Variants in TSPAN15 observed in about 807,000 individuals in gnomAD.
The protein encoded by TSPAN15 is tetraspanin 15, also known as tetraspanin-15.
TSPAN15 carries 20 observed loss-of-function variants against 34.5 expected under a neutral mutation model. That is an observed-to-expected ratio of 0.58 (90% CI 0.41 to 0.84). TSPAN15 has a LOEUF of 0.84. Among genes scored for constraint, TSPAN15 ranks in the 40% least tolerant of loss-of-function variants. The pLI, the probability that TSPAN15 is intolerant of heterozygous loss-of-function variation, is 0.00. For synonymous variants in TSPAN15, 155 were observed against 153.9 expected (o/e 1.01, Z -0.05); for missense variants, 313 against 386.1 (o/e 0.81, Z 1.59).
rs202162045 is a variant in TSPAN15 at position 69,506,920 on chromosome 10, G to A, written c.827G>A (p.Gly276Asp). 8.0e-5 allele frequency: 128 copies of A among 1,609,494 alleles called. No homozygotes were observed. In the East Asian group the frequency reaches 2.5e-3, roughly 32 times the overall value. ...GTCACTGATGGGCTCCTGGGGCCCGGTGCCAAGCCCAGCGTGGAGGCGGCA... is the reference window on the plus strand; with the variant it reads ...GTCACTGATGGGCTCCTGGGGCCCGATGCCAAGCCCAGCGTGGAGGCGGCA... ...HSVTDGLLGP[G>D]AKPSVEAAGT... The change falls in exon 8 of 8, where the codon GGT becomes GAT. Residue 276 changes from glycine to aspartate, a missense_variant. Physicochemically the swap from Gly to Asp is moderately conservative, Grantham distance 94. Coordinates refer to ENST00000373290, the MANE Select transcript of TSPAN15 (RefSeq NM_012339.5). The surrounding 1 kb of genome is among the most constrained non-coding windows in gnomAD (Gnocchi z 4.7).
the TSPAN15 span, among the ~76,000 whole-genome samples, chr10:69,547,181 A>G: frequency 6.6e-6 from 1 of 151,960 alleles, no homozygotes; most frequent in South Asian, 2.1e-4. Context: ...CAGCCTGGGC[A>G]ACAGAGTGAG....
In TSPAN15 at chr10:69,507,207, C is replaced by T. The variant is rs552038454; in HGVS notation, c.*229C>T. 2 of 1,408,550 alleles carry T rather than the reference C, an allele frequency of 1.4e-6. No individual in the cohort carries two copies. The highest frequency in any genetic ancestry group is 1.6e-5 in the South Asian group (1 of 64,134). 87.3% of individuals were successfully genotyped at this position (1,408,550 alleles called of 1,614,324 possible). ...GAGGCAGCTCTGGAATCTGTGCCCA[C>T]CTGGGGCCTGGGGAACAAGGCCCTC... On this transcript the variant is annotated 3_prime_UTR_variant, in exon 8 of 8. Coordinates refer to ENST00000373290, the MANE Select transcript of TSPAN15 (RefSeq NM_012339.5).
chr10:69,519,234 G>A, the TSPAN15 span, among the ~76,000 whole-genome samples: 3 of 152,188 alleles, frequency 2.0e-5, no homozygotes, highest in African/African-American at 7.2e-5. Flanking sequence ...CTGGGCAATG[G>A]GAGACCCTGT....
chr10:69,538,245 G>C, the TSPAN15 span, among the ~76,000 whole-genome samples: 1 of 152,310 alleles, frequency 6.6e-6, no homozygotes, highest in Non-Finnish European at 1.5e-5. Flanking sequence ...TTACTGATAT[G>C]GGGGTTTGCC....
At chr10:69,511,230 A>G (rs1842411697), downstream of TSPAN15, among the ~76,000 whole-genome samples, 1 of 152,170 alleles carries the variant, frequency 6.6e-6, no homozygotes, top group African/African-American at 2.4e-5. Flanking sequence ...TTAGTAGGCT[A>G]TTAATTACTG....
At chr10:69,478,561 T>G (rs1841665192) in intron 1 of TSPAN15, among the ~76,000 whole-genome samples, 1 of 152,068 alleles carries the variant, frequency 6.6e-6, no homozygotes, top group Non-Finnish European at 1.5e-5. Flanking sequence ...CCTCTTCACC[T>G]CTCCATGGCA....
At chr10:69,539,563 G>GAAGAAGAAGAAGAAGA in the TSPAN15 span, among the ~76,000 whole-genome samples, 4 of 101,510 alleles carry the variant, frequency 3.9e-5, no homozygotes, top group African/African-American at 1.4e-4. Flanking sequence ...GAAGGAGAAG[G>GAAGAAGAAGAAGAAGA]AGAAGAAGAC....
Position 69,507,181 on chromosome 10 carries a change from C to G in TSPAN15, c.*203C>G. The G allele has an allele frequency of 7.0e-7, 1 of 1,420,234 alleles. No homozygotes were observed. The highest frequency in any genetic ancestry group is 3.1e-5 in the Admixed American group (1 of 32,634). The allele number at this position is 1,420,234 out of a possible 1,614,324, so 88.0% of individuals were successfully genotyped here. A position where few individuals can be genotyped will look rare whatever the true frequency, so the allele number is the denominator to read the frequency against. On this transcript the variant is annotated 3_prime_UTR_variant, in exon 8 of 8. Coordinates refer to ENST00000373290, the MANE Select transcript of TSPAN15 (RefSeq NM_012339.5). ...TGGGCCTCCCCTAAGAGGCTTTCCC[C>G]GAGGCAGCTCTGGAATCTGTGCCCA...
chr10:69,511,352 G>GT (rs572035882), downstream of TSPAN15, among the ~76,000 whole-genome samples: 1,370 of 152,296 alleles, frequency 9.0e-3, 17 homozygotes, highest in Middle Eastern at 0.034. Flanking sequence ...AGATTTTCTA[G>GT]TTTATTTGCA....
chr10:69,526,992 A>G, the TSPAN15 span, among the ~76,000 whole-genome samples: 1 of 147,886 alleles, frequency 6.8e-6, no homozygotes, highest in Non-Finnish European at 1.5e-5. Flanking sequence ...AAGAGAAATG[A>G]AAACATATGT....
the TSPAN15 span, chr10:69,523,566 A>G: frequency 5.6e-6 from 2 of 354,536 alleles, no homozygotes; most frequent in African/African-American, 4.3e-5. Context: ...ATTGGGTGTC[A>G]TGTACCCGAT....
Position 69,506,205 on chromosome 10 carries a change from A to G in TSPAN15, c.700A>G (p.Met234Val), listed in dbSNP as rs1483169254. The G allele has an allele frequency of 3.1e-6, 5 of 1,614,214 alleles. No homozygotes were observed. The highest frequency in any genetic ancestry group is 4.2e-6 in the Non-Finnish European group (5 of 1,180,042). Residue 234 changes from methionine (M) to valine (V), a missense_variant, in exon 7 of 8, where the codon ATG becomes GTG. Met to Val is a conservative substitution (Grantham distance 21, BLOSUM62 1). Transcript: ENST00000373290. This position sits in a 1 kb window ranked among gnomAD's most constrained non-coding sequence, Gnocchi z 4.7. ...CTGGTTCATGGACAACTACACCATC[A>G]TGGCGGGCATCCTCCTGGGCATCCT... The part of the protein sequence containing the change: ...IIWFMDNYTI[M>V]AGILLGILLP...
chr10:69,530,816 CTCTCTATATA>C, the TSPAN15 span, among the ~76,000 whole-genome samples: 315 of 52,156 alleles, frequency 6.0e-3, 1 homozygote, highest in Non-Finnish European at 7.8e-3. Context: ...CTCTCTCTCT[CTCTCTATATA>C]TATATATATA....
At chr10:69,539,775 T>G in the TSPAN15 span, among the ~76,000 whole-genome samples, 1 of 152,024 alleles carries the variant, frequency 6.6e-6, no homozygotes, top group African/African-American at 2.4e-5. Context: ...TCAAGACCAA[T>G]ACAGCTGCTC....
chr10:69,510,514 T>C (rs530359350), downstream of TSPAN15, among the ~76,000 whole-genome samples: 26 of 152,382 alleles, frequency 1.7e-4, no homozygotes, highest in African/African-American at 5.8e-4. Context: ...AATCATGTCA[T>C]CTGCAAACAG....
the TSPAN15 span, among the ~76,000 whole-genome samples, chr10:69,535,681 C>A: frequency 6.6e-6 from 1 of 152,238 alleles, no homozygotes; most frequent in Non-Finnish European, 1.5e-5. Context: ...CCACACCCAA[C>A]TCCCTGAGGC....
intron 3 of TSPAN15, among the ~76,000 whole-genome samples, chr10:69,491,400 G>T (rs1274322336): frequency 6.6e-6 from 1 of 152,200 alleles, no homozygotes; most frequent in African/African-American, 2.4e-5. Context: ...GTCTTGCTCT[G>T]TCACCCAGGC....
the TSPAN15 span, among the ~76,000 whole-genome samples, chr10:69,542,537 T>C: frequency 6.6e-6 from 1 of 152,146 alleles, no homozygotes; most frequent in Non-Finnish European, 1.5e-5. Flanking sequence ...AGGAAAGAGG[T>C]TTAATTGACT....
chr10:69,470,082 C>T (rs551003797), intron 1 of TSPAN15, among the ~76,000 whole-genome samples: 1 of 152,308 alleles, frequency 6.6e-6, no homozygotes, highest in South Asian at 2.1e-4. Flanking sequence ...TTTAATCTCC[C>T]CCAGGCTAGA....
Sources: allele counts gnomAD v4.1 joint callset (sites outside exome capture counted in the v4.1 genomes callset), GRCh38; gene constraint gnomAD v4.1.1; non-coding constraint Gnocchi (gnomAD v3.1); transcripts MANE v1.5; gene names NCBI Gene and HGNC (gene_info 2026-07-23, HGNC 2026-07-21).